The following RBM25 variants were observed in gnomAD, a reference collection of about 807,000 sequenced individuals.
The protein encoded by RBM25 is RNA binding motif protein 25.
A neutral mutation model predicts 120.7 loss-of-function variants in RBM25; 19 were observed. The observed-to-expected ratio is 0.16, with a 90% CI of 0.11 to 0.23. RBM25 has a LOEUF of 0.23. RBM25 is among the 10% of genes least tolerant of loss of function. The probability of loss-of-function intolerance (pLI) is 1.00; values close to 1 mark genes in which losing one functional copy is unlikely to be tolerated. For missense variants in RBM25, 605 were observed against 1,041.5 expected (o/e 0.58, Z 5.77); for synonymous variants, 390 against 326.7 (o/e 1.19, Z -2.09).
chr14:73,094,853 G>C (rs1895905331), intron 6 of RBM25, among the ~76,000 whole-genome samples: 4 of 145,886 alleles, frequency 2.7e-5, no homozygotes, highest in African/African-American at 4.9e-5. Context: ...CTGTGTGTGT[G>C]TGTGTGTTTT....
At chr14:73,063,488 T>C (rs1895054710) in intron 1 of RBM25, among the ~76,000 whole-genome samples, 1 of 151,376 alleles carries the variant, frequency 6.6e-6, no homozygotes, top group South Asian at 2.1e-4. Flanking sequence ...CTTTGAACCT[T>C]CTAAAATGTG....
At chr14:73,088,888 C>T (rs889082152) in intron 6 of RBM25, among the ~76,000 whole-genome samples, 2 of 152,220 alleles carry the variant, frequency 1.3e-5, no homozygotes, top group African/African-American at 2.4e-5. Context: ...CGCCTGTAAT[C>T]CCAGAACTTT....
chr14:73,071,569 G>C, intron 1 of RBM25, 58 bp from the exon 2 acceptor site: 3 of 1,166,744 alleles, frequency 2.6e-6, no homozygotes, highest in Non-Finnish European at 3.8e-6. Context: ...AACAAAGAAG[G>C]CATATAAAAT....
intron 6 of RBM25, among the ~76,000 whole-genome samples, chr14:73,092,720 C>T (rs1301655338): frequency 6.6e-6 from 1 of 151,942 alleles, no homozygotes; most frequent in Non-Finnish European, 1.5e-5. Flanking sequence ...CTATCCCTCC[C>T]ACCTGCCCCC....
Position 73,071,015 on chromosome 14 carries a change from G to A in RBM25, c.-15-612G>A, listed in dbSNP as rs188750071. On this transcript the variant is annotated intron_variant, in intron 1 of 18. Transcript: ENST00000261973. ...CCAGCACTTTGGGAGGCCGAGGAGG[G>A]TGGATCACTTGAGGTCAAGAGATGG... is the stretch of plus-strand genomic sequence containing the variant. 4.7e-5 allele frequency among the ~76,000 whole-genome samples: 7 copies of A among 147,832 alleles called. No individual in the cohort carries two copies. In the East Asian group the frequency reaches 1.0e-3, roughly 21 times the overall value.
chr14:73,123,622 A>G lies in RBM25; in HGVS notation c.*3817A>G, dbSNP rs1456800009. The G allele has an allele frequency of 6.6e-6, 1 of 152,206 alleles. No homozygotes were observed. Among genetic ancestry groups the G allele is most frequent in the African/African-American group, 2.4e-5 (1 of 41,438 alleles). The allele number at this position is 152,206 out of a possible 1,614,324, so 9.4% of individuals were successfully genotyped here. A position where few individuals can be genotyped will look rare whatever the true frequency, so the allele number is the denominator to read the frequency against. On this transcript the variant is annotated 3_prime_UTR_variant, in exon 19 of 19. Coordinates refer to ENST00000261973, the MANE Select transcript of RBM25 (RefSeq NM_021239.3). ...ATACATACCAAACCCAGGAGCTACT[A>G]ATATAACAATCATACTATAGAGCGA...
chr14:73,076,424 C>T, intron 3 of RBM25, 56 bp downstream of exon 3: 1 of 1,439,012 alleles, frequency 6.9e-7, no homozygotes, highest in South Asian at 1.2e-5. Context: ...TGCTTTTAAG[C>T]TGAACAGCAT....
intron 13 of RBM25, 145 bp downstream of exon 13, chr14:73,108,044 T>TA (rs1896226481): frequency 1.5e-6 from 1 of 645,654 alleles, no homozygotes; most frequent in East Asian, 2.7e-5. Flanking sequence ...CTATAGCTAA[T>TA]ACACTGTTTT....
intron 4 of RBM25, among the ~76,000 whole-genome samples, chr14:73,080,929 A>G (rs1375673504): frequency 1.4e-5 from 2 of 143,862 alleles, no homozygotes; most frequent in East Asian, 4.3e-4. Context: ...GGTTCAAGCA[A>G]TTCTCCTGCC....
intron 10 of RBM25, among the ~76,000 whole-genome samples, chr14:73,105,192 C>G (rs1213600019): frequency 6.9e-6 from 1 of 144,764 alleles, no homozygotes; most frequent in East Asian, 2.0e-4. Flanking sequence ...ACTGTAAGCT[C>G]CAAGTCCTGG....
Position 73,083,560 on chromosome 14 carries a change from T to A in RBM25, c.382+9T>A, listed in dbSNP as rs746360580. The A allele has an allele frequency of 6.4e-7, 1 of 1,559,656 alleles. No homozygotes were observed. Among genetic ancestry groups the A allele is most frequent in the South Asian group, 1.2e-5 (1 of 81,338 alleles). On this transcript the variant is annotated intron_variant, in intron 5 of 18. Coordinates refer to ENST00000261973, the MANE Select transcript of RBM25 (RefSeq NM_021239.3). Reference sequence around the variant, plus strand: ...TTCCGGAAAGCTTCAAGGTATGTCATTTTTTTCCTTATTTGCTGAAATCAC... The same window carrying A: ...TTCCGGAAAGCTTCAAGGTATGTCAATTTTTTCCTTATTTGCTGAAATCAC...
At chr14:73,083,795 G>A (rs912497560) in intron 5 of RBM25, among the ~76,000 whole-genome samples, 3 of 152,042 alleles carry the variant, frequency 2.0e-5, no homozygotes, top group Admixed American at 1.3e-4. Flanking sequence ...CAATTTAACT[G>A]GTTTCTTGTT....
intron 2 of RBM25, 31 bp from the exon 3 acceptor site, chr14:73,076,288 T>C (rs772411821): frequency 2.5e-6 from 4 of 1,573,534 alleles, no homozygotes; most frequent in South Asian, 1.1e-5. Context: ...AATGCAGTCA[T>C]GTAAAATCAG....
At chr14:73,094,879 CAG>C (rs1594920522) in intron 6 of RBM25, among the ~76,000 whole-genome samples, 1 of 149,682 alleles carries the variant, frequency 6.7e-6, no homozygotes, top group African/African-American at 2.5e-5. Flanking sequence ...GGGGTGGAGA[CAG>C]AGTCTCGCTC....
intron 3 of RBM25, among the ~76,000 whole-genome samples, chr14:73,076,952 G>A (rs1284491455): frequency 2.6e-5 from 4 of 152,186 alleles, no homozygotes; most frequent in Admixed American, 6.5e-5. Flanking sequence ...TTGGTGGTGC[G>A]CGCCTGTAAT....
chr14:73,071,269 A>T (rs1436074359), intron 1 of RBM25, among the ~76,000 whole-genome samples: 13 of 150,986 alleles, frequency 8.6e-5, no homozygotes, highest in African/African-American at 2.7e-4. Flanking sequence ...AAATCAGAAC[A>T]CTTAAAAACT....
chr14:73,066,284 A>G (rs1895130263), intron 1 of RBM25, among the ~76,000 whole-genome samples: 1 of 152,180 alleles, frequency 6.6e-6, no homozygotes, highest in African/African-American at 2.4e-5. Context: ...GTTAATATGT[A>G]CTGATAACCT....
intron 4 of RBM25, 114 bp from the exon 5 acceptor site, chr14:73,083,380 T>A (rs1158315563): frequency 2.5e-6 from 2 of 804,540 alleles, no homozygotes; most frequent in Non-Finnish European, 3.6e-6. Flanking sequence ...ATGTAGTTGC[T>A]GGTTTTTTAT....
intron 1 of RBM25, among the ~76,000 whole-genome samples, chr14:73,061,523 G>A (rs1405571589): frequency 6.6e-6 from 1 of 151,026 alleles, no homozygotes; most frequent in Non-Finnish European, 1.5e-5. Flanking sequence ...CCCAGTTTCA[G>A]GCAAGCCCTC....
Sources: allele counts gnomAD v4.1 joint callset (sites outside exome capture counted in the v4.1 genomes callset), GRCh38; gene constraint gnomAD v4.1.1; transcripts MANE v1.5; gene names NCBI Gene and HGNC (gene_info 2026-07-23, HGNC 2026-07-21).